SYNDIG1: variants seen among roughly 807,000 people sequenced by gnomAD.
SYNDIG1 encodes the protein synapse differentiation-inducing gene protein 1.
A neutral mutation model predicts 19.4 loss-of-function variants in SYNDIG1; 9 were observed. The observed-to-expected ratio is 0.46, with a 90% CI of 0.28 to 0.81. The LOEUF (loss-of-function observed/expected upper bound fraction) is 0.81, where lower values mean the gene tolerates loss of function less well. SYNDIG1 is among the 30% of genes least tolerant of loss of function. The probability of loss-of-function intolerance (pLI) is 0.12; values close to 1 mark genes in which losing one functional copy is unlikely to be tolerated. For missense variants in SYNDIG1, 311 were observed against 343.3 expected (o/e 0.91, Z 0.74); for synonymous variants, 141 against 145.9 (o/e 0.97, Z 0.24).
intron 2 of SYNDIG1, among the ~76,000 whole-genome samples, chr20:24,565,319 T>C (rs1360547938): frequency 6.6e-6 from 1 of 152,174 alleles, no homozygotes; most frequent in Non-Finnish European, 1.5e-5. Flanking sequence ...CAGAATCCTA[T>C]AACCTTACAT....
intron 1 of SYNDIG1, among the ~76,000 whole-genome samples, chr20:24,526,407 T>C (rs2057124576): frequency 6.6e-6 from 1 of 152,206 alleles, no homozygotes; most frequent in Non-Finnish European, 1.5e-5. Flanking sequence ...ATTTGGTAGT[T>C]ATCCTTGACA....
intron 3 of SYNDIG1, among the ~76,000 whole-genome samples, chr20:24,626,958 C>G (rs1290179526): frequency 6.6e-6 from 1 of 152,164 alleles, no homozygotes; most frequent in African/African-American, 2.4e-5. Context: ...CGCCTGCAAT[C>G]GCAGGCACTC....
chr20:24,661,429 GGGAGGAAGGAA>G (rs1387311385), intron 3 of SYNDIG1, among the ~76,000 whole-genome samples: 13 of 18,898 alleles, frequency 6.9e-4, no homozygotes, highest in East Asian at 1.3e-3. Context: ...TTAGGAAGGA[GGGAGGAAGGAA>G]GGAGGAAAGA....
At chr20:24,477,200 G>C (rs1309717219) in intron 1 of SYNDIG1, among the ~76,000 whole-genome samples, 1 of 152,186 alleles carries the variant, frequency 6.6e-6, no homozygotes, top group African/African-American at 2.4e-5. Context: ...CTCAGCAACG[G>C]TTCTCTCTGT....
chr20:24,652,265 G>A (rs1246618693), intron 3 of SYNDIG1, among the ~76,000 whole-genome samples: 1 of 152,228 alleles, frequency 6.6e-6, no homozygotes, highest in Non-Finnish European at 1.5e-5. Context: ...CAGCAAGTGA[G>A]ATGCAAGGTG....
intron 1 of SYNDIG1, among the ~76,000 whole-genome samples, chr20:24,504,713 A>G (rs981834249): frequency 2.0e-5 from 3 of 152,218 alleles, no homozygotes; most frequent in African/African-American, 7.2e-5. Context: ...GAGGGAACAT[A>G]GAGAGTTGGG....
intron 1 of SYNDIG1, among the ~76,000 whole-genome samples, chr20:24,522,986 T>C (rs1397618043): frequency 6.6e-6 from 1 of 152,202 alleles, no homozygotes; most frequent in Non-Finnish European, 1.5e-5. Context: ...ACACACCTCC[T>C]GTTAGGCCTG....
At chr20:24,548,629 A>G (rs1270364487) in intron 2 of SYNDIG1, among the ~76,000 whole-genome samples, 1 of 152,206 alleles carries the variant, frequency 6.6e-6, no homozygotes, top group Non-Finnish European at 1.5e-5. Flanking sequence ...TTTGAAAATT[A>G]TTTTTAGTAT....
rs115404573 is a variant in SYNDIG1, at chr20:24,548,534, A to C, written c.480+4957A>C. ...CTCAACACACATGTGAAGAAAACCC[A>C]AAAGCATGAATGAGACAGAACAACA... On this transcript the variant is annotated intron_variant, in intron 2 of 3. Coordinates refer to ENST00000376862, the MANE Select transcript of SYNDIG1 (RefSeq NM_024893.3). Among the ~76,000 whole-genome samples the C allele has an allele frequency of 9.6e-3, 1,459 of 152,350 alleles. 35 individuals are homozygous for C. Among genetic ancestry groups the C allele is most frequent in the African/African-American group, 0.033 (1,369 of 41,574 alleles).
intron 3 of SYNDIG1, among the ~76,000 whole-genome samples, chr20:24,640,662 A>G (rs573584842): frequency 1.3e-5 from 2 of 152,228 alleles, no homozygotes; most frequent in South Asian, 4.1e-4. Context: ...TGGAAGGAGG[A>G]GATTTCAGAT....
intron 3 of SYNDIG1, 33 bp from the exon 4 acceptor site, chr20:24,665,313 C>T (rs1381599103): frequency 6.3e-7 from 1 of 1,576,204 alleles, no homozygotes; most frequent in Admixed American, 2.0e-5. Context: ...GACTTGCTTA[C>T]AATGACTTCC....
At chr20:24,552,305 T>C (rs2057721081) in intron 2 of SYNDIG1, among the ~76,000 whole-genome samples, 1 of 152,190 alleles carries the variant, frequency 6.6e-6, no homozygotes, top group Non-Finnish European at 1.5e-5. Context: ...AAGAGGGCTT[T>C]TTTAAAAAAT....
rs898973294 is a variant in SYNDIG1, at chr20:24,469,770, C to G, written c.-79+17C>G. On this transcript the variant is annotated intron_variant, in intron 1 of 3. Transcript: ENST00000376862. Reference sequence around the variant, plus strand: ...GTCCCGGAGGTAAGTCCAGACCTCCCGGCCGCGGGGGCGGGCGGAGGGGCC... The same window carrying G: ...GTCCCGGAGGTAAGTCCAGACCTCCGGGCCGCGGGGGCGGGCGGAGGGGCC... The G allele has an allele frequency of 5.9e-5, 9 of 151,846 alleles. No homozygotes were observed. The South Asian group carries it at 1.4e-3, about 24-fold the overall frequency. The allele number at this position is 151,846 out of a possible 1,614,324, so 9.4% of individuals were successfully genotyped here. A position where few individuals can be genotyped will look rare whatever the true frequency, so the allele number is the denominator to read the frequency against.
Position 24,634,662 on chromosome 20 carries a change from G to A in SYNDIG1, c.619-30684G>A, listed in dbSNP as rs141622650. Among the ~76,000 whole-genome samples the A allele has an allele frequency of 2.7e-3, 410 of 152,140 alleles. 5 individuals are homozygous for A. The highest frequency in any genetic ancestry group is 9.3e-3 in the African/African-American group (386 of 41,502). On this transcript the variant is annotated intron_variant, in intron 3 of 3. Coordinates refer to ENST00000376862, the MANE Select transcript of SYNDIG1 (RefSeq NM_024893.3). ...ATTTTTTTTCCTGCTTTTATTTCCCGTATAAATTTCTAGTTCTACATTTAC... is the reference window on the plus strand; with the variant it reads ...ATTTTTTTTCCTGCTTTTATTTCCCATATAAATTTCTAGTTCTACATTTAC...
Position 24,658,470 on chromosome 20 carries a change from GTAC to G in SYNDIG1, c.619-6875_619-6873del, listed in dbSNP as rs2059550904. ...CCTGAAGTGGACAGGCGCTCTGGCC[GTAC>G]CCTGGGGGGTGAAAGCCCTTCCCCA... On this transcript the variant is annotated intron_variant, in intron 3 of 3. Coordinates refer to ENST00000376862, the MANE Select transcript of SYNDIG1 (RefSeq NM_024893.3). The surrounding 1 kb of genome is among the most constrained non-coding windows in gnomAD (Gnocchi z 4.4). Among the ~76,000 whole-genome samples, 1 of 152,130 alleles carries G rather than the reference GTAC, an allele frequency of 6.6e-6. No homozygotes were observed. The highest frequency in any genetic ancestry group is 1.5e-5 in the Non-Finnish European group (1 of 68,020).
chr20:24,551,210 A>C (rs978718207), intron 2 of SYNDIG1, among the ~76,000 whole-genome samples: 9 of 152,248 alleles, frequency 5.9e-5, no homozygotes, highest in Non-Finnish European at 1.0e-4. Context: ...TGTTTTAAAG[A>C]AAATCTGAAG....
chr20:24,608,814 A>G (rs566174136), intron 3 of SYNDIG1, among the ~76,000 whole-genome samples: 1 of 152,330 alleles, frequency 6.6e-6, no homozygotes, highest in South Asian at 2.1e-4. Flanking sequence ...GATATTGATA[A>G]TATAAGCTCA....
chr20:24,584,748 C>A, intron 2 of SYNDIG1, 108 bp from the exon 3 acceptor site: 1 of 1,503,150 alleles, frequency 6.7e-7, no homozygotes, highest in Non-Finnish European at 9.1e-7. Flanking sequence ...AGCTGCCTCC[C>A]GGGGAGGGCC....
intron 2 of SYNDIG1, among the ~76,000 whole-genome samples, chr20:24,567,150 G>T (rs2146917982): frequency 6.6e-6 from 1 of 152,278 alleles, no homozygotes; most frequent in Non-Finnish European, 1.5e-5. Flanking sequence ...TGAAGGGTGA[G>T]TAAAGCAGGG....
Sources: allele counts gnomAD v4.1 joint callset (sites outside exome capture counted in the v4.1 genomes callset), GRCh38; gene constraint gnomAD v4.1.1; non-coding constraint Gnocchi (gnomAD v3.1); transcripts MANE v1.5; gene names NCBI Gene and HGNC (gene_info 2026-07-23, HGNC 2026-07-21).